The following PRKAG2 variants were observed in gnomAD, a reference collection of about 807,000 sequenced individuals.
PRKAG2 encodes the protein protein kinase AMP-activated non-catalytic subunit gamma 2.
PRKAG2 carries 26 observed loss-of-function variants against 69.6 expected under a neutral mutation model. The ratio of observed to expected loss-of-function variants is 0.37; its 90% CI spans 0.27 to 0.52. PRKAG2 has a LOEUF of 0.52. Among genes scored for constraint, PRKAG2 ranks in the 20% least tolerant of loss-of-function variants. The pLI, the probability that PRKAG2 is intolerant of heterozygous loss-of-function variation, is 0.90. For missense variants in PRKAG2, 557 were observed against 740.0 expected (o/e 0.75, Z 2.87); for synonymous variants, 293 against 285.0 (o/e 1.03, Z -0.28).
chr7:151,614,666 G>A lies in PRKAG2; in HGVS notation c.754+17403C>T, dbSNP rs1316277677. ...GCCTTTCTTTCAGAGCAAACAGCTC[G>A]CAGTGATGATCTGTGGCCCTAAGCC... On this transcript the variant is annotated intron_variant, in intron 5 of 15. Transcript: ENST00000287878. The surrounding 1 kb of genome is among the most constrained non-coding windows in gnomAD (Gnocchi z 4.4). Among the ~76,000 whole-genome samples the A allele has an allele frequency of 4.6e-5, 7 of 152,214 alleles. No homozygotes were observed. The highest frequency in any genetic ancestry group is 2.6e-4 in the Admixed American group (4 of 15,296).
chr7:151,829,336 G>C (rs2078971163), intron 1 of PRKAG2, among the ~76,000 whole-genome samples: 1 of 152,126 alleles, frequency 6.6e-6, no homozygotes, highest in Non-Finnish European at 1.5e-5. Flanking sequence ...ACACCCACTG[G>C]GACAGCTAGA....
intron 1 of PRKAG2, among the ~76,000 whole-genome samples, chr7:151,804,713 C>T (rs2078014400): frequency 1.3e-5 from 2 of 152,170 alleles, no homozygotes; most frequent in South Asian, 4.1e-4. Flanking sequence ...CCCAAATTGA[C>T]ATTTGTTTTC....
intron 3 of PRKAG2, among the ~76,000 whole-genome samples, chr7:151,722,929 T>C (rs897415817): frequency 2.0e-5 from 3 of 152,096 alleles, no homozygotes; most frequent in Non-Finnish European, 2.9e-5. Context: ...AACCACATCC[T>C]TGGCTCCTCT....
chr7:151,559,011 AG>A, intron 15 of PRKAG2: 9 of 985,450 alleles, frequency 9.1e-6, no homozygotes, highest in Non-Finnish European at 1.1e-5. Context: ...CCCGTGGTCC[AG>A]GGCTGGAAAC....
chr7:151,565,565 C>T (rs948194892), intron 12 of PRKAG2, among the ~76,000 whole-genome samples, 155 bp downstream of exon 12: 1 of 152,102 alleles, frequency 6.6e-6, no homozygotes, highest in African/African-American at 2.4e-5. Context: ...ACCAATTAAA[C>T]TTTTTTTACG....
intron 1 of PRKAG2, among the ~76,000 whole-genome samples, chr7:151,795,150 AT>A (rs2077435391): frequency 6.6e-6 from 1 of 152,166 alleles, no homozygotes; most frequent in African/African-American, 2.4e-5. Flanking sequence ...CCTGTCTGAG[AT>A]CCCCCAGAAG....
rs188463382 is a variant in PRKAG2 at position 151,807,565 on chromosome 7, G to A, written c.115-21024C>T. The A allele has an allele frequency of 7.2e-5, 33 of 457,816 alleles. No individual in the cohort carries two copies. The East Asian group carries it at 8.3e-4, about 12-fold the overall frequency. 28.4% of individuals were successfully genotyped at this position (457,816 alleles called of 1,614,324 possible). Reference sequence around the variant, plus strand: ...AGCACTGCGCCTTCCAGAACCCAGCGTAGATGCACAGCTGCCACGGAGGTA... The same window carrying A: ...AGCACTGCGCCTTCCAGAACCCAGCATAGATGCACAGCTGCCACGGAGGTA... On this transcript the variant is annotated intron_variant, in intron 1 of 15. Transcript: ENST00000287878. The surrounding 1 kb of genome is among the most constrained non-coding windows in gnomAD (Gnocchi z 4.4).
intron 5 of PRKAG2, among the ~76,000 whole-genome samples, chr7:151,631,392 T>G (rs933456918): frequency 2.6e-4 from 39 of 152,184 alleles, no homozygotes; most frequent in African/African-American, 8.4e-4. Flanking sequence ...ACATTCCATT[T>G]TAAATATTAA....
intron 3 of PRKAG2, among the ~76,000 whole-genome samples, chr7:151,726,058 C>A (rs962256452): frequency 1.7e-4 from 26 of 152,150 alleles, no homozygotes; most frequent in Non-Finnish European, 3.1e-4. Flanking sequence ...AGGAAGCAGG[C>A]AGCCTCAGAG....
At chr7:151,715,528 G>A (rs1796044613) in intron 3 of PRKAG2, among the ~76,000 whole-genome samples, 1 of 151,226 alleles carries the variant, frequency 6.6e-6, no homozygotes, top group South Asian at 2.1e-4. Flanking sequence ...TAATTTTTTT[G>A]TATTTTTAGT....
chr7:151,734,013 A>AT (rs1237912538), intron 3 of PRKAG2, among the ~76,000 whole-genome samples: 6 of 152,020 alleles, frequency 3.9e-5, no homozygotes, highest in Non-Finnish European at 5.9e-5. Flanking sequence ...CCTACAAGTG[A>AT]TCCCCCAACC....
chr7:151,639,123 C>T (rs1460427835), intron 4 of PRKAG2, among the ~76,000 whole-genome samples: 2 of 152,206 alleles, frequency 1.3e-5, no homozygotes, highest in African/African-American at 4.8e-5. Context: ...CTGAGCTCCA[C>T]ACTGCCATCA....
intron 2 of PRKAG2, among the ~76,000 whole-genome samples, chr7:151,782,359 G>A (rs66684867): frequency 0.017 from 421 of 25,256 alleles, 5 homozygotes; most frequent in South Asian, 0.036. Context: ...GAGGGAGGGA[G>A]GGAGGGAGGG....
intron 1 of PRKAG2, among the ~76,000 whole-genome samples, chr7:151,855,255 C>CGCCCTCCACACACACCACT (rs2079712004): frequency 7.1e-6 from 1 of 139,960 alleles, no homozygotes; most frequent in African/African-American, 2.6e-5. Flanking sequence ...CACACACCAC[C>CGCCCTCCACACACACCACT]CTCCACACAC....
rs1331338046 is a variant in PRKAG2 at position 151,556,596 on chromosome 7, G to A, written c.*605C>T. 6.6e-6 allele frequency: 1 copy of A among 152,506 alleles called. No homozygotes were observed. Among genetic ancestry groups the A allele is most frequent in the Non-Finnish European group, 1.5e-5 (1 of 68,144 alleles). The allele number at this position is 152,506 out of a possible 1,614,324, so 9.4% of individuals were successfully genotyped here. On this transcript the variant is annotated 3_prime_UTR_variant, in exon 16 of 16. Coordinates refer to ENST00000287878, the MANE Select transcript of PRKAG2 (RefSeq NM_016203.4). ...AGATGTGTAAAAAAATTGCATGAAA[G>A]TAAAAATAAATAAAGCTGTTGTAAA...
At chr7:151,641,454 G>T (rs1475444540) in intron 4 of PRKAG2, among the ~76,000 whole-genome samples, 1 of 151,756 alleles carries the variant, frequency 6.6e-6, no homozygotes, top group Non-Finnish European at 1.5e-5. Context: ...CACCATGTTG[G>T]CCAGGCTGGT....
rs1042853281 is a variant in PRKAG2 at position 151,632,469 on chromosome 7, C to T, written c.685-331G>A. 1 of 742,492 alleles carries T rather than the reference C, an allele frequency of 1.3e-6. No homozygotes were observed. Among genetic ancestry groups the T allele is most frequent in the South Asian group, 6.1e-5 (1 of 16,518 alleles). 46.0% of individuals were successfully genotyped at this position (742,492 alleles called of 1,614,324 possible). A position where few individuals can be genotyped will look rare whatever the true frequency, so the allele number is the denominator to read the frequency against. ...GAGCTCGAGGGCGGCAGCGCCTGGGCCCGGGGCGCCCCCCTCCGGCCGTGG... is the reference window on the plus strand; with the variant it reads ...GAGCTCGAGGGCGGCAGCGCCTGGGTCCGGGGCGCCCCCCTCCGGCCGTGG... On this transcript the variant is annotated intron_variant, in intron 4 of 15. Coordinates refer to ENST00000287878, the MANE Select transcript of PRKAG2 (RefSeq NM_016203.4). The surrounding 1 kb of genome is among the most constrained non-coding windows in gnomAD (Gnocchi z 4.2).
rs1425639845 is a variant in PRKAG2, at chr7:151,876,357, G to A, written c.114+150C>T. 5.3e-6 allele frequency: 4 copies of A among 761,502 alleles called. No individual in the cohort carries two copies. The African/African-American group carries it at 6.9e-5, about 13-fold the overall frequency. The allele number at this position is 761,502 out of a possible 1,614,324, so 47.2% of individuals were successfully genotyped here. ...CCCCGGCTCCGCCAGCCCAGCTCGG[G>A]CCCTGTCCCTCTACCCTTTCCCCAA... On this transcript the variant is annotated intron_variant, in intron 1 of 15. Coordinates refer to ENST00000287878, the MANE Select transcript of PRKAG2 (RefSeq NM_016203.4).
intron 3 of PRKAG2, among the ~76,000 whole-genome samples, chr7:151,717,894 C>T (rs1363651201): frequency 1.3e-5 from 2 of 152,216 alleles, no homozygotes; most frequent in African/African-American, 4.8e-5. Flanking sequence ...TGCTGGGGAC[C>T]TGCCTCAAAT....
Sources: allele counts gnomAD v4.1 joint callset (sites outside exome capture counted in the v4.1 genomes callset), GRCh38; gene constraint gnomAD v4.1.1; non-coding constraint Gnocchi (gnomAD v3.1); transcripts MANE v1.5; gene names NCBI Gene and HGNC (gene_info 2026-07-23, HGNC 2026-07-21).